Variants in ZNF787 observed in about 807,000 individuals in gnomAD.
ZNF787 encodes zinc finger protein 787.
Under a neutral mutation model 16.9 loss-of-function variants are expected in ZNF787, and 7 were observed. The ratio of observed to expected loss-of-function variants is 0.42; its 90% CI spans 0.24 to 0.78. The LOEUF is 0.78. ZNF787 is among the 30% of genes least tolerant of loss of function. ZNF787 has a pLI of 0.30. For synonymous variants in ZNF787, 345 were observed against 270.9 expected (o/e 1.27, Z -2.69); for missense variants, 551 against 589.3 (o/e 0.94, Z 0.67).
intron 1 of ZNF787, among the ~76,000 whole-genome samples, chr19:56,119,975 CG>C (rs1310855359): frequency 3.2e-5 from 2 of 62,034 alleles, no homozygotes; most frequent in Admixed American, 1.2e-4. Context: ...AGCAGGACAC[CG>C]CAAAGAGCAG....
At chr19:56,121,106 A>C in intron 1 of ZNF787, 66 bp downstream of exon 1, 1 of 75,226 alleles carries the variant, frequency 1.3e-5, no homozygotes, top group East Asian at 4.1e-4. Context: ...CCCCAGCCCA[A>C]GCCCAGCTTC....
chr19:56,089,005 G>A lies in ZNF787; in HGVS notation c.167C>T (p.Pro56Leu). The change falls in exon 3 of 3, where the codon CCG becomes CTG. Residue 56 changes from proline (P) to leucine (L), a missense_variant. By Grantham distance (98) the Pro-to-Leu change is moderately conservative. This residue lies in a region of ZNF787 where 80 missense variants were observed against 105.9 expected (regional missense o/e 0.76). Coordinates refer to ENST00000610935, the MANE Select transcript of ZNF787 (RefSeq NM_001002836.4). ...GGCGGGCGGCCGCGGCCGGGGAGGC[G>A]GGCCGGCTGGGGGCGCAGACTGGGG... is the stretch of plus-strand genomic sequence containing the variant. ...SPPQSAPPAG[P>L]PPRPRPPAPY... The A allele has an allele frequency of 1.3e-6, 2 of 1,489,680 alleles. No individual in the cohort carries two copies. The highest frequency in any genetic ancestry group is 1.8e-6 in the Non-Finnish European group (2 of 1,122,606). The allele number at this position is 1,489,680 out of a possible 1,614,324, so 92.3% of individuals were successfully genotyped here.
chr19:56,088,301 GC>G lies in ZNF787; in HGVS notation c.870del (p.His291ThrfsTer223). On this transcript the variant is annotated frameshift_variant, in exon 3 of 3. Coordinates refer to ENST00000610935, the MANE Select transcript of ZNF787 (RefSeq NM_001002836.4). LOFTEE classifies it high-confidence loss of function. The surrounding 1 kb of genome is among the most constrained non-coding windows in gnomAD (Gnocchi z 8.6). The part of the protein sequence containing the change: ...YVCLECGKGF[G>X]HGAGLLAHQR... ...TGGTGCGCCAGGAGCCCGGCCCCGTGCCCGAAGCCCTTCCCGCACTCCAGAC... is the reference window on the plus strand; with the variant it reads ...TGGTGCGCCAGGAGCCCGGCCCCGTGCCGAAGCCCTTCCCGCACTCCAGAC... 1 of 1,343,582 alleles carries G rather than the reference GC, an allele frequency of 7.4e-7. No homozygotes were observed. Among genetic ancestry groups the G allele is most frequent in the Admixed American group, 3.9e-5 (1 of 25,424 alleles). 83.2% of individuals were successfully genotyped at this position (1,343,582 alleles called of 1,614,324 possible). A position where few individuals can be genotyped will look rare whatever the true frequency, so the allele number is the denominator to read the frequency against.
chr19:56,108,778 A>G (rs1599954766), intron 1 of ZNF787, among the ~76,000 whole-genome samples: 1 of 152,058 alleles, frequency 6.6e-6, no homozygotes, highest in South Asian at 2.1e-4. Flanking sequence ...ACCCACGCGG[A>G]AGGACAGGCA....
At chr19:56,116,196 C>T (rs1232889379) in intron 1 of ZNF787, among the ~76,000 whole-genome samples, 1 of 152,116 alleles carries the variant, frequency 6.6e-6, no homozygotes, top group African/African-American at 2.4e-5. Flanking sequence ...AATCCCAGCA[C>T]TCTGGGAGGC....
At position 56,087,890 on chromosome 19, in the gene ZNF787, G is replaced by A. The variant is rs897786520; in HGVS notation, c.*133C>T. On this transcript the variant is annotated 3_prime_UTR_variant, in exon 3 of 3. Transcript: ENST00000610935. Reference sequence around the variant, plus strand: ...CCCCACGGACGGCGCAGGGACAGAGGAGGGCGGGGAGCCGGGGATGCCGCG... The same window carrying A: ...CCCCACGGACGGCGCAGGGACAGAGAAGGGCGGGGAGCCGGGGATGCCGCG... 20 of 1,263,878 alleles carry A rather than the reference G, an allele frequency of 1.6e-5. No homozygotes were observed. Among genetic ancestry groups the A allele is most frequent in the African/African-American group, 9.5e-5 (6 of 62,978 alleles). 78.3% of individuals were successfully genotyped at this position (1,263,878 alleles called of 1,614,324 possible).
chr19:56,087,532 A>G lies in ZNF787; in HGVS notation c.*491T>C, dbSNP rs1985299523. On this transcript the variant is annotated 3_prime_UTR_variant, in exon 3 of 3. Coordinates refer to ENST00000610935, the MANE Select transcript of ZNF787 (RefSeq NM_001002836.4). Reference sequence around the variant, plus strand: ...GATGGGACCCGGAAGGCAGAAAAAAATAATGGATTGGGGCGGGCGGGGAGT... The same window carrying G: ...GATGGGACCCGGAAGGCAGAAAAAAGTAATGGATTGGGGCGGGCGGGGAGT... 1 of 152,340 alleles carries G rather than the reference A, an allele frequency of 6.6e-6. No individual in the cohort carries two copies. Among genetic ancestry groups the G allele is most frequent in the Non-Finnish European group, 1.5e-5 (1 of 68,176 alleles). The allele number at this position is 152,340 out of a possible 1,614,324, so 9.4% of individuals were successfully genotyped here.
At chr19:56,118,950 C>T (rs1599964053) in intron 1 of ZNF787, among the ~76,000 whole-genome samples, 1 of 152,218 alleles carries the variant, frequency 6.6e-6, no homozygotes, top group East Asian at 1.9e-4. Flanking sequence ...GTAGCCAATC[C>T]TTCCTCTCTA....
At chr19:56,102,131 T>G (rs1175787027) in intron 2 of ZNF787, 1 of 152,208 alleles carries the variant, frequency 6.6e-6, no homozygotes, top group Non-Finnish European at 1.5e-5. Context: ...ATCCCAAACT[T>G]CACCCCGGTC....
chr19:56,093,076 G>A (rs1985711648), intron 2 of ZNF787, among the ~76,000 whole-genome samples: 1 of 150,872 alleles, frequency 6.6e-6, no homozygotes, highest in Non-Finnish European at 1.5e-5. Flanking sequence ...TAGACACGGG[G>A]TAGCGGAAGT....
At chr19:56,113,090 G>A (rs761941893) in intron 1 of ZNF787, among the ~76,000 whole-genome samples, 5 of 152,016 alleles carry the variant, frequency 3.3e-5, no homozygotes, top group African/African-American at 4.8e-5. Flanking sequence ...ATTAGAACCC[G>A]GGCAAAGGAT....
chr19:56,089,056 C>G lies in ZNF787; in HGVS notation c.116G>C (p.Ser39Thr). The change falls in exon 3 of 3, where the codon AGC becomes ACC. Residue 39 changes from serine to threonine, a missense_variant. Transcript: ENST00000610935. Reference protein sequence around the residue: ...ILIMDDDDVPSWPPTKLSPPQ... With the variant: ...ILIMDDDDVPTWPPTKLSPPQ... Reference sequence around the variant, plus strand: ...CGGGGACAGCTTGGTGGGAGGCCAGCTGGGGACGTCGTCATCATCCATGAT... The same window carrying G: ...CGGGGACAGCTTGGTGGGAGGCCAGGTGGGGACGTCGTCATCATCCATGAT... 1 of 1,465,292 alleles carries G rather than the reference C, an allele frequency of 6.8e-7. No individual in the cohort carries two copies. The highest frequency in any genetic ancestry group is 9.0e-7 in the Non-Finnish European group (1 of 1,111,000). The allele number at this position is 1,465,292 out of a possible 1,614,324, so 90.8% of individuals were successfully genotyped here.
rs753071888 is a variant in ZNF787 at position 56,088,069 on chromosome 19, GC to G, written c.1102del (p.Ala368ProfsTer146). ...GGEEEDDDDE[A>X]AGGRCPECRG... The stretch of plus-strand genomic sequence containing the variant: ...GCACTCGGGGCACCGCCCGCCCGCG[GC>G]CTCGTCGTCGTCGTCCTCCTCCTCC... On this transcript the variant is annotated frameshift_variant, in exon 3 of 3. Coordinates refer to ENST00000610935, the MANE Select transcript of ZNF787 (RefSeq NM_001002836.4). LOFTEE classifies it high-confidence loss of function. This position sits in a 1 kb window ranked among gnomAD's most constrained non-coding sequence, Gnocchi z 8.6. The G allele has an allele frequency of 8.0e-7, 1 of 1,248,000 alleles. No homozygotes were observed. The allele number at this position is 1,248,000 out of a possible 1,614,324, so 77.3% of individuals were successfully genotyped here.
intron 1 of ZNF787, among the ~76,000 whole-genome samples, chr19:56,110,653 A>G (rs1568534052): frequency 6.6e-6 from 1 of 152,188 alleles, no homozygotes; most frequent in African/African-American, 2.4e-5. Flanking sequence ...ATGTACTTCC[A>G]GTGAAACTCT....
intron 1 of ZNF787, among the ~76,000 whole-genome samples, chr19:56,116,350 G>A (rs1027503295): frequency 1.3e-5 from 2 of 152,042 alleles, no homozygotes; most frequent in Non-Finnish European, 2.9e-5. Flanking sequence ...GCTGAGGCAG[G>A]AGAATGGCAT....
At chr19:56,096,067 C>T (rs113057454) in intron 2 of ZNF787, among the ~76,000 whole-genome samples, 1 of 152,000 alleles carries the variant, frequency 6.6e-6, no homozygotes, top group Non-Finnish European at 1.5e-5. Context: ...TCAAGGGCCA[C>T]GCTGTGGCTG....
chr19:56,091,926 A>G (rs1296845170), intron 2 of ZNF787, among the ~76,000 whole-genome samples: 1 of 17,608 alleles, frequency 5.7e-5, no homozygotes, highest in Admixed American at 2.3e-4. Flanking sequence ...CCGCAGCCGA[A>G]GCCGAAGCCG....
intron 1 of ZNF787, chr19:56,105,282 T>A (rs934465181): frequency 2.6e-5 from 4 of 152,072 alleles, no homozygotes; most frequent in African/African-American, 9.7e-5. Context: ...CAGGTGGAGC[T>A]GTGGCAAACG....
Position 56,088,262 on chromosome 19 carries a change from C to G in ZNF787, c.910G>C (p.Gly304Arg). Residue 304 changes from glycine to arginine, a missense_variant, in exon 3 of 3, where the codon GGG becomes CGG. This residue lies in a region of ZNF787 where 392 missense variants were observed against 312.7 expected (regional missense o/e 1.25). Coordinates refer to ENST00000610935, the MANE Select transcript of ZNF787 (RefSeq NM_001002836.4). This position sits in a 1 kb window ranked among gnomAD's most constrained non-coding sequence, Gnocchi z 8.6. ...GLLAHQRAQH[G>R]DGLGAAGGEE... ...CCCCCCGCCGCCCCGAGCCCGTCCC[C>G]GTGCTGGGCCCGCTGGTGCGCCAGG... is the stretch of plus-strand genomic sequence containing the variant. 7.0e-7 allele frequency: 1 copy of G among 1,438,134 alleles called. No individual in the cohort carries two copies. The highest frequency in any genetic ancestry group is 9.1e-7 in the Non-Finnish European group (1 of 1,098,758). The allele number at this position is 1,438,134 out of a possible 1,614,324, so 89.1% of individuals were successfully genotyped here.
Sources: allele counts gnomAD v4.1 joint callset (sites outside exome capture counted in the v4.1 genomes callset), GRCh38; gene constraint gnomAD v4.1.1; regional missense constraint gnomAD v4.1.1; non-coding constraint Gnocchi (gnomAD v3.1); transcripts MANE v1.5; gene names NCBI Gene and HGNC (gene_info 2026-07-23, HGNC 2026-07-21).